B4GALNT1: variants seen among roughly 807,000 people sequenced by gnomAD.
B4GALNT1 encodes beta-1,4-N-acetyl-galactosaminyltransferase 1.
Under a neutral mutation model 55.2 loss-of-function variants are expected in B4GALNT1, and 43 were observed. The observed-to-expected ratio is 0.78, with a 90% CI of 0.61 to 1.00. The LOEUF is 1.00. Among genes scored for constraint, B4GALNT1 ranks in the 50% least tolerant of loss-of-function variants. The probability of loss-of-function intolerance (pLI) is 0.00; values close to 1 mark genes in which losing one functional copy is unlikely to be tolerated. For synonymous variants in B4GALNT1, 305 were observed against 311.6 expected, an observed-to-expected ratio of 0.98 and a Z score of 0.22; for missense variants, 664 against 729.7, an observed-to-expected ratio of 0.91 and a Z score of 1.04.
chr12:57,628,223 T>C lies in B4GALNT1; in HGVS notation c.1042A>G (p.Thr348Ala), dbSNP rs1884970541. ...TCCACCCACAGCACGTACTTGGTGG[T>C]TACTTGAGACACGGCCAGGTTCCGG... ...AGRNLAVSQVTTKYVLWVDDD... is the reference protein window; with the variant it reads ...AGRNLAVSQVATKYVLWVDDD... The change falls in exon 9 of 11, where the codon ACC becomes GCC. Residue 348 changes from threonine to alanine, a missense_variant. By Grantham distance (58) the Thr-to-Ala change is moderately conservative. Transcript: ENST00000341156. 1 of 1,614,238 alleles carries C rather than the reference T, an allele frequency of 6.2e-7. No individual in the cohort carries two copies. Among genetic ancestry groups the C allele is most frequent in the Non-Finnish European group, 8.5e-7 (1 of 1,180,048 alleles).
At chr12:57,630,864 C>A in intron 4 of B4GALNT1, 116 bp downstream of exon 4, 1 of 1,024,962 alleles carries the variant, frequency 9.8e-7, no homozygotes, top group Non-Finnish European at 1.5e-6. Flanking sequence ...TTAAGTCCCC[C>A]ATTCATCAGA....
Position 57,624,210 on chromosome 12 carries a change from T to C in B4GALNT1, c.*2534A>G. 1 of 976,868 alleles carries C rather than the reference T, an allele frequency of 1.0e-6. No homozygotes were observed. The highest frequency in any genetic ancestry group is 1.5e-5 in the South Asian group (1 of 64,598). The allele number at this position is 976,868 out of a possible 1,614,324, so 60.5% of individuals were successfully genotyped here. On this transcript the variant is annotated 3_prime_UTR_variant, in exon 11 of 11. Transcript: ENST00000341156. Reference sequence around the variant, plus strand: ...GTCTTAAGTTCTGCAACCCACCCACTCCCCCAGCAAACATAACTCCTAGTA... The same window carrying C: ...GTCTTAAGTTCTGCAACCCACCCACCCCCCCAGCAAACATAACTCCTAGTA...
At position 57,625,219 on chromosome 12, in the gene B4GALNT1, G is replaced by C; in HGVS notation, c.*1525C>G. The C allele has an allele frequency of 1.2e-6, 2 of 1,614,134 alleles. No individual in the cohort carries two copies. Among genetic ancestry groups the C allele is most frequent in the African/African-American group, 1.3e-5 (1 of 75,012 alleles). On this transcript the variant is annotated 3_prime_UTR_variant, in exon 11 of 11. Coordinates refer to ENST00000341156, the MANE Select transcript of B4GALNT1 (RefSeq NM_001478.5). Reference sequence around the variant, plus strand: ...TGCATGGTGACACCTGGGTACTCCTGTCTTCTCCCATTCTAGTTGCTGAGC... The same window carrying C: ...TGCATGGTGACACCTGGGTACTCCTCTCTTCTCCCATTCTAGTTGCTGAGC...
Position 57,631,105 on chromosome 12 carries a change from G to A in B4GALNT1, c.384-19C>T. The A allele has an allele frequency of 1.2e-6, 2 of 1,609,996 alleles. No homozygotes were observed. Among genetic ancestry groups the A allele is most frequent in the Non-Finnish European group, 1.7e-6 (2 of 1,178,030 alleles). On this transcript the variant is annotated intron_variant, in intron 3 of 10. Transcript: ENST00000341156. ...CTGGCTCCTGGCAGTGGAGGAAGGA[G>A]AGGACAGAGCAGAGTCGGGGGGAGA...
rs750377919 is a variant in B4GALNT1, at chr12:57,626,758, T to G, written c.1588A>C (p.Met530Leu). The G allele has an allele frequency of 9.9e-6, 16 of 1,614,086 alleles. No individual in the cohort carries two copies. In the South Asian group the frequency reaches 1.8e-4, roughly 18 times the overall value. The change falls in exon 11 of 11, where the codon ATG (methionine) becomes CTG (leucine). Residue 530 changes from methionine to leucine, a missense_variant. Physicochemically the swap from Met to Leu is conservative, Grantham distance 15. Transcript: ENST00000341156. Reference protein sequence around the residue: ...LLFFKHRLQCMTSQ With the variant: ...LLFFKHRLQCLTSQ ...CCAGCGGGCCATCACTGGGAGGTCA[T>G]GCACTGCAGCCGGTGTTTGAAGAAG...
Position 57,631,909 on chromosome 12 carries a change from A to T in B4GALNT1, c.218+6T>A, listed in dbSNP as rs1434341270. 7.1e-7 allele frequency: 1 copy of T among 1,398,852 alleles called. No individual in the cohort carries two copies. The highest frequency in any genetic ancestry group is 9.3e-7 in the Non-Finnish European group (1 of 1,076,182). 86.7% of individuals were successfully genotyped at this position (1,398,852 alleles called of 1,614,324 possible). ...GCTGCGCTGCGCCGCCGCGGTCGGC[A>T]CTCACCCCACTACTTGCTCCTTGAT... On this transcript the variant is annotated splice_donor_region_variant and intron_variant, in intron 2 of 10. Transcript: ENST00000341156.
intron 10 of B4GALNT1, 45 bp from the exon 11 acceptor site, chr12:57,627,006 G>T: frequency 6.5e-7 from 1 of 1,529,892 alleles, no homozygotes; most frequent in South Asian, 1.1e-5. Flanking sequence ...TGAGGGTGCA[G>T]AAGGCCGACT....
At chr12:57,628,560 A>G in intron 8 of B4GALNT1, 153 bp downstream of exon 8, 2 of 1,008,784 alleles carry the variant, frequency 2.0e-6, no homozygotes, top group East Asian at 5.2e-5. Context: ...TCCTGCTCCC[A>G]CGAAGCTTAC....
rs1884600769 is a variant in B4GALNT1 at position 57,623,641 on chromosome 12, G to T, written c.*3103C>A. On this transcript the variant is annotated 3_prime_UTR_variant, in exon 11 of 11. Coordinates refer to ENST00000341156, the MANE Select transcript of B4GALNT1 (RefSeq NM_001478.5). ...ATCTACAAGGAGACTGGTGAATAAT[G>T]GGCATTTAATTAATTGGGGGGAGCG... 3.4e-6 allele frequency: 2 copies of T among 582,226 alleles called. No individual in the cohort carries two copies. Among genetic ancestry groups the T allele is most frequent in the African/African-American group, 1.9e-5 (1 of 53,468 alleles). The allele number at this position is 582,226 out of a possible 1,614,324, so 36.1% of individuals were successfully genotyped here.
chr12:57,625,519 G>A lies in B4GALNT1; in HGVS notation c.*1225C>T. 6.2e-7 allele frequency: 1 copy of A among 1,613,800 alleles called. No homozygotes were observed. Among genetic ancestry groups the A allele is most frequent in the Non-Finnish European group, 8.5e-7 (1 of 1,179,756 alleles). On this transcript the variant is annotated 3_prime_UTR_variant, in exon 11 of 11. Transcript: ENST00000341156. ...GTGCCTGGGCAATGACTGGACACCT[G>A]CGGTAGGGAAAAGGACCCGGTGTGG...
Position 57,623,955 on chromosome 12 carries a change from C to T in B4GALNT1, c.*2789G>A. The stretch of plus-strand genomic sequence containing the variant: ...GCATGAGCATGGCTGGGAGGGGTAG[C>T]TGTATTCCAGGACATCGAGGTAGTC... On this transcript the variant is annotated 3_prime_UTR_variant, in exon 11 of 11. Coordinates refer to ENST00000341156, the MANE Select transcript of B4GALNT1 (RefSeq NM_001478.5). 1 of 1,613,086 alleles carries T rather than the reference C, an allele frequency of 6.2e-7. No homozygotes were observed. Among genetic ancestry groups the T allele is most frequent in the Non-Finnish European group, 8.5e-7 (1 of 1,179,380 alleles).
At position 57,628,110 on chromosome 12, in the gene B4GALNT1, C is replaced by A; in HGVS notation, c.1143+12G>T. The A allele has an allele frequency of 6.2e-7, 1 of 1,613,292 alleles. No individual in the cohort carries two copies. Among genetic ancestry groups the A allele is most frequent in the African/African-American group, 1.3e-5 (1 of 75,074 alleles). On this transcript the variant is annotated intron_variant, in intron 9 of 10. Coordinates refer to ENST00000341156, the MANE Select transcript of B4GALNT1 (RefSeq NM_001478.5). Reference sequence around the variant, plus strand: ...CCTTCTCCACCCCCACATCCTGCAGCCCCTGCCCTACCAGGTCCAGCGGCG... The same window carrying A: ...CCTTCTCCACCCCCACATCCTGCAGACCCTGCCCTACCAGGTCCAGCGGCG...
Position 57,628,365 on chromosome 12 carries a change from C to T in B4GALNT1, c.1003-103G>A, listed in dbSNP as rs1002832673. 5.9e-6 allele frequency: 9 copies of T among 1,537,024 alleles called. No individual in the cohort carries two copies. In the African/African-American group the frequency reaches 1.2e-4, roughly 21 times the overall value. Reference sequence around the variant, plus strand: ...GACCCTTCTCAGCTTGTATTCTTCTCCAGACTTTTGAGTGCTTTCGAAAGG... The same window carrying T: ...GACCCTTCTCAGCTTGTATTCTTCTTCAGACTTTTGAGTGCTTTCGAAAGG... On this transcript the variant is annotated intron_variant, in intron 8 of 10. Coordinates refer to ENST00000341156, the MANE Select transcript of B4GALNT1 (RefSeq NM_001478.5).
chr12:57,624,947 C>T lies in B4GALNT1; in HGVS notation c.*1797G>A. The T allele has an allele frequency of 1.9e-6, 3 of 1,614,188 alleles. No homozygotes were observed. The highest frequency in any genetic ancestry group is 2.5e-6 in the Non-Finnish European group (3 of 1,180,034). On this transcript the variant is annotated 3_prime_UTR_variant, in exon 11 of 11. Coordinates refer to ENST00000341156, the MANE Select transcript of B4GALNT1 (RefSeq NM_001478.5). ...GACCCGTGGGCAGTTTCGCTGCAAC[C>T]TGGAGTGGCACCTGGGGCTCGGAGA... is the stretch of plus-strand genomic sequence containing the variant.
In B4GALNT1 at chr12:57,629,107, A is replaced by G; in HGVS notation, c.752T>C (p.Ile251Thr). Residue 251 changes from isoleucine (I) to threonine (T), a missense_variant, in exon 7 of 11, where the codon ATC becomes ACC. Physicochemically the swap from Ile to Thr is moderately conservative, Grantham distance 89. Transcript: ENST00000341156. ...AGGGTTGGGCGGGTGTCTTATGCGG[A>G]TAGTGAAAGCAGCCTCATGTCCCTC... ...STEGHEAAFTIRIRHPPNPRL... is the reference protein window; with the variant it reads ...STEGHEAAFTTRIRHPPNPRL... 6.3e-7 allele frequency: 1 copy of G among 1,599,372 alleles called. No individual in the cohort carries two copies.
In B4GALNT1 at chr12:57,623,745, G is replaced by A. The variant is rs141249305; in HGVS notation, c.*2999C>T. 424 of 1,112,518 alleles carry A rather than the reference G, an allele frequency of 3.8e-4. 1 individual carries two copies. In the African/African-American group the frequency reaches 5.6e-3, roughly 15 times the overall value. 68.9% of individuals were successfully genotyped at this position (1,112,518 alleles called of 1,614,324 possible). On this transcript the variant is annotated 3_prime_UTR_variant, in exon 11 of 11. Coordinates refer to ENST00000341156, the MANE Select transcript of B4GALNT1 (RefSeq NM_001478.5). ...ATTTGGGAGAAGGGAGACTTCCGAG[G>A]AAGATTAGGCAGAGTGGGCAGGAAG...
Position 57,632,026 on chromosome 12 carries a change from G to A in B4GALNT1, c.107C>T (p.Pro36Leu), listed in dbSNP as rs994923026. 8 of 1,453,266 alleles carry A rather than the reference G, an allele frequency of 5.5e-6. No homozygotes were observed. The African/African-American group carries it at 1.2e-4, about 21-fold the overall frequency. 90.0% of individuals were successfully genotyped at this position (1,453,266 alleles called of 1,614,324 possible). A position where few individuals can be genotyped will look rare whatever the true frequency, so the allele number is the denominator to read the frequency against. ...STRDAPGLRL[P>L]LAPWAPPQSP... is the part of the protein sequence containing the mutation. ...TTGCGGGGGCGCCCACGGCGCAAGA[G>A]GTAGCCGGAGGCCGGGCGCGTCCCG... The change falls in exon 2 of 11, where the codon CCT (proline) becomes CTT (leucine). Residue 36 changes from proline (P) to leucine (L), a missense_variant. Physicochemically the swap from Pro to Leu is moderately conservative, Grantham distance 98. Transcript: ENST00000341156.
Position 57,629,108 on chromosome 12 carries a change from T to G in B4GALNT1, c.751A>C (p.Ile251Leu). Residue 251 changes from isoleucine (I) to leucine (L), a missense_variant, in exon 7 of 11, where the codon ATC becomes CTC. Transcript: ENST00000341156. ...STEGHEAAFT[I>L]RIRHPPNPRL... The stretch of plus-strand genomic sequence containing the variant: ...GGGTTGGGCGGGTGTCTTATGCGGA[T>G]AGTGAAAGCAGCCTCATGTCCCTCG... 1.9e-6 allele frequency: 3 copies of G among 1,598,842 alleles called. No homozygotes were observed. The highest frequency in any genetic ancestry group is 2.6e-6 in the Non-Finnish European group (3 of 1,168,788).
intron 6 of B4GALNT1, 31 bp from the exon 7 acceptor site, chr12:57,629,177 GA>G: frequency 6.6e-7 from 1 of 1,518,648 alleles, no homozygotes; most frequent in Non-Finnish European, 8.9e-7. Context: ...ATTTGACCCT[GA>G]AGGGTGGGAT....
Sources: gnomAD v4.1 joint callset for allele counts on GRCh38, gnomAD v4.1.1 for gene constraint, MANE v1.5 for transcripts, NCBI Gene and HGNC (gene_info 2026-07-23, HGNC 2026-07-21) for gene names.